The following ZNF200 variants were observed in gnomAD, a reference collection of about 807,000 sequenced individuals.
The protein encoded by ZNF200 is zinc finger protein 200.
Under a neutral mutation model 33.6 loss-of-function variants are expected in ZNF200, and 35 were observed. The observed-to-expected ratio is 1.04, with a 90% CI of 0.80 to 1.38. The LOEUF (loss-of-function observed/expected upper bound fraction) is 1.38, where lower values mean the gene tolerates loss of function less well. Ranked by LOEUF, ZNF200 falls within the 40% of genes most tolerant of loss-of-function variation. The pLI is 0.00. For missense variants in ZNF200, 592 were observed against 470.6 expected (o/e 1.26, Z -2.39); for synonymous variants, 209 against 167.7 (o/e 1.25, Z -1.90).
chr16:3,233,940 G>A (rs561039865), intron 1 of ZNF200, 104 bp from the exon 2 acceptor site: 3 of 827,088 alleles, frequency 3.6e-6, no homozygotes, highest in East Asian at 2.9e-5. Context: ...TAAAGAAAAC[G>A]ACAGCTGGGA....
chr16:3,224,721 G>C (rs1357489785), intron 4 of ZNF200, 108 bp from the exon 5 acceptor site: 1 of 1,416,150 alleles, frequency 7.1e-7, no homozygotes, highest in Non-Finnish European at 9.4e-7. Context: ...TCAATCTGGG[G>C]AGTGGCGGAT....
At chr16:3,225,301 T>A (rs1178158416) in intron 4 of ZNF200, 4 of 152,002 alleles carry the variant, frequency 2.6e-5, no homozygotes, top group African/African-American at 9.7e-5. Flanking sequence ...CAAAATAAGC[T>A]GGGCATGGTG....
chr16:3,232,563 G>T lies in ZNF200; in HGVS notation c.340-16C>A, dbSNP rs1246802138. The T allele has an allele frequency of 1.2e-6, 2 of 1,612,098 alleles. No individual in the cohort carries two copies. Among genetic ancestry groups the T allele is most frequent in the Non-Finnish European group, 8.5e-7 (1 of 1,179,708 alleles). ...CCACCAGCTCCTGAAAGAGCAAGAG[G>T]CCCCTTTCATCTTAGTAACTGAGGT... On this transcript the variant is annotated splice_polypyrimidine_tract_variant and intron_variant, in intron 3 of 4. Coordinates refer to ENST00000414144, the MANE Select transcript of ZNF200 (RefSeq NM_198088.3).
At chr16:3,228,391 A>G (rs1858788365) in intron 4 of ZNF200, among the ~76,000 whole-genome samples, 1 of 152,140 alleles carries the variant, frequency 6.6e-6, no homozygotes, top group African/African-American at 2.4e-5. Flanking sequence ...TATAAAGGAG[A>G]GGCTTCAATT....
chr16:3,225,719 A>G (rs1958449815), intron 4 of ZNF200: 2 of 152,042 alleles, frequency 1.3e-5, no homozygotes, highest in Admixed American at 1.3e-4. Flanking sequence ...AGCAGATTAT[A>G]AAGACTGGGT....
chr16:3,232,960 T>G (rs1958681409), intron 2 of ZNF200, 39 bp from the exon 3 acceptor site: 1 of 1,581,864 alleles, frequency 6.3e-7, no homozygotes, highest in African/African-American at 1.3e-5. Context: ...AAAAACTCAG[T>G]GACTCTAACA....
In ZNF200 at chr16:3,222,446, T is replaced by C. The variant is rs1278973870; in HGVS notation, c.*1446A>G. On this transcript the variant is annotated 3_prime_UTR_variant, in exon 5 of 5. Transcript: ENST00000414144. ...GACTATACAAATATATAATTAAAAA[T>C]AACTTTCCCATGTAAAAGCAATAAT... 6.6e-6 allele frequency: 1 copy of C among 152,108 alleles called. No individual in the cohort carries two copies. The highest frequency in any genetic ancestry group is 2.4e-5 in the African/African-American group (1 of 41,420). The allele number at this position is 152,108 out of a possible 1,614,324, so 9.4% of individuals were successfully genotyped here.
intron 4 of ZNF200, among the ~76,000 whole-genome samples, chr16:3,228,864 C>T (rs1024762205): frequency 7.2e-5 from 11 of 151,940 alleles, no homozygotes; most frequent in Admixed American, 5.2e-4. Context: ...AGCAACCTTG[C>T]GTCAAAGGGG....
chr16:3,223,986 C>T lies in ZNF200; in HGVS notation c.1094G>A (p.Gly365Asp). 4 of 1,614,054 alleles carry T rather than the reference C, an allele frequency of 2.5e-6. No individual in the cohort carries two copies. Among genetic ancestry groups the T allele is most frequent in the Non-Finnish European group, 3.4e-6 (4 of 1,180,006 alleles). ...AAATCTTCTCCCACATTTTTTGCAA[C>T]CATATGGTCTCTCAGCCTCATGACT... is the stretch of plus-strand genomic sequence containing the variant. Reference protein sequence around the residue: ...LQSHEAERPYGCKKCGRRFGR... With the variant: ...LQSHEAERPYDCKKCGRRFGR... Residue 365 changes from glycine to aspartate, a missense_variant, in exon 5 of 5, where the codon GGT (glycine) becomes GAT (aspartate). Gly to Asp is a moderately conservative substitution (Grantham distance 94). Transcript: ENST00000414144.
chr16:3,226,040 A>ATT (rs1958460160), intron 4 of ZNF200: 1 of 99,872 alleles, frequency 1.0e-5, no homozygotes. Context: ...AGCCTTAATT[A>ATT]TTTTTTCTTT....
chr16:3,231,463 A>G (rs1201291991), intron 4 of ZNF200, among the ~76,000 whole-genome samples: 1 of 152,212 alleles, frequency 6.6e-6, no homozygotes, highest in Non-Finnish European at 1.5e-5. Flanking sequence ...TCACCCTCAG[A>G]AACAAAAAGC....
chr16:3,222,822 C>T lies in ZNF200; in HGVS notation c.*1070G>A, dbSNP rs1958362562. The T allele has an allele frequency of 6.6e-6, 1 of 152,240 alleles. No individual in the cohort carries two copies. Among genetic ancestry groups the T allele is most frequent in the Non-Finnish European group, 1.5e-5 (1 of 68,066 alleles). 9.4% of individuals were successfully genotyped at this position (152,240 alleles called of 1,614,324 possible). ...CAATTAATACCCACTACAATGAAGA[C>T]ACCTGGAAACCTGTCTCTTGAGAGG... On this transcript the variant is annotated 3_prime_UTR_variant, in exon 5 of 5. Transcript: ENST00000414144.
chr16:3,233,441 G>A lies in ZNF200; in HGVS notation c.250+65C>T. 3 of 1,481,774 alleles carry A rather than the reference G, an allele frequency of 2.0e-6. 1 individual carries two copies. The highest frequency in any genetic ancestry group is 3.6e-4 in the Middle Eastern group (2 of 5,522). The allele number at this position is 1,481,774 out of a possible 1,614,324, so 91.8% of individuals were successfully genotyped here. A position where few individuals can be genotyped will look rare whatever the true frequency, so the allele number is the denominator to read the frequency against. On this transcript the variant is annotated intron_variant, in intron 2 of 4. Coordinates refer to ENST00000414144, the MANE Select transcript of ZNF200 (RefSeq NM_198088.3). Reference sequence around the variant, plus strand: ...CTAACTTGAATTTATAACTAACACAGAAACCTATCTTAGACTCCAGTACCT... The same window carrying A: ...CTAACTTGAATTTATAACTAACACAAAAACCTATCTTAGACTCCAGTACCT...
chr16:3,233,091 T>C (rs531430048), intron 2 of ZNF200, among the ~76,000 whole-genome samples, 170 bp from the exon 3 acceptor site: 2 of 152,348 alleles, frequency 1.3e-5, no homozygotes, highest in East Asian at 3.9e-4. Flanking sequence ...GTCTTGAACC[T>C]ATGGCATCTC....
chr16:3,228,387 G>C (rs1296559536), intron 4 of ZNF200, among the ~76,000 whole-genome samples: 1 of 152,012 alleles, frequency 6.6e-6, no homozygotes, highest in African/African-American at 2.4e-5. Context: ...TTCTTATAAA[G>C]GAGAGGCTTC....
At chr16:3,230,421 C>T (rs954188095) in intron 4 of ZNF200, among the ~76,000 whole-genome samples, 3 of 152,148 alleles carry the variant, frequency 2.0e-5, no homozygotes, top group Admixed American at 6.5e-5. Flanking sequence ...ATTTCTACTC[C>T]TTGGAATCTG....
chr16:3,230,622 A>G (rs116467025), intron 4 of ZNF200, among the ~76,000 whole-genome samples: 1,910 of 152,300 alleles, frequency 0.013, 37 homozygotes, highest in African/African-American at 0.042. Flanking sequence ...CTAGGTTATC[A>G]AGGACTGTTC....
At chr16:3,234,402 A>C (rs1958739230) in intron 1 of ZNF200, among the ~76,000 whole-genome samples, 1 of 152,150 alleles carries the variant, frequency 6.6e-6, no homozygotes, top group Non-Finnish European at 1.5e-5. Flanking sequence ...CCTGACTCTA[A>C]AAAAAGAAAG....
chr16:3,234,225 G>T (rs1958730994), intron 1 of ZNF200: 1 of 152,430 alleles, frequency 6.6e-6, no homozygotes, highest in Non-Finnish European at 1.5e-5. Context: ...GGGCAACACA[G>T]CAAGACACCG....
Sources: gnomAD v4.1 joint callset for allele counts (sites outside exome capture counted in the v4.1 genomes callset) on GRCh38, gnomAD v4.1.1 for gene constraint, MANE v1.5 for transcripts, NCBI Gene and HGNC (gene_info 2026-07-23, HGNC 2026-07-21) for gene names.